The following CRISPLD2 variants were observed in gnomAD, a reference collection of about 807,000 sequenced individuals.
The protein encoded by CRISPLD2 is cysteine rich secretory protein LCCL domain containing 2.
Under a neutral mutation model 71.1 loss-of-function variants are expected in CRISPLD2, and 47 were observed. That is an observed-to-expected ratio of 0.66 (90% CI 0.52 to 0.84). CRISPLD2 has a LOEUF of 0.84. Among genes scored for constraint, CRISPLD2 ranks in the 40% least tolerant of loss-of-function variants. The pLI, the probability that CRISPLD2 is intolerant of heterozygous loss-of-function variation, is 0.00. For missense variants in CRISPLD2, 830 were observed against 651.1 expected (o/e 1.27, Z -2.99); for synonymous variants, 317 against 250.1 (o/e 1.27, Z -2.52).
At chr16:84,848,358 TC>T (rs1237517255) in intron 3 of CRISPLD2, among the ~76,000 whole-genome samples, 1 of 152,068 alleles carries the variant, frequency 6.6e-6, no homozygotes, top group Non-Finnish European at 1.5e-5. Flanking sequence ...AATGGTCATT[TC>T]CCCCGTGAGC....
chr16:84,824,185 G>A (rs1916295809), intron 1 of CRISPLD2, among the ~76,000 whole-genome samples: 1 of 152,114 alleles, frequency 6.6e-6, no homozygotes, highest in African/African-American at 2.4e-5. Context: ...AGGCCTGCAG[G>A]TGGAGAAGGG....
chr16:84,894,055 C>G (rs1016089039), intron 14 of CRISPLD2, among the ~76,000 whole-genome samples: 6 of 152,194 alleles, frequency 3.9e-5, no homozygotes, highest in Admixed American at 3.9e-4. Context: ...CACACGGGGC[C>G]GAAGGTCAGT....
chr16:84,848,610 T>C (rs1916982145), intron 3 of CRISPLD2, among the ~76,000 whole-genome samples: 1 of 152,064 alleles, frequency 6.6e-6, no homozygotes, highest in South Asian at 2.1e-4. Context: ...CCGGCTAATT[T>C]TTGTATTTTT....
intron 8 of CRISPLD2, among the ~76,000 whole-genome samples, chr16:84,870,732 C>T (rs956697810): frequency 1.3e-5 from 2 of 152,206 alleles, no homozygotes; most frequent in Non-Finnish European, 2.9e-5. Context: ...ATTGCTTTGC[C>T]ACCTGCTGGC....
intron 5 of CRISPLD2, among the ~76,000 whole-genome samples, chr16:84,851,400 T>C (rs1597458523): frequency 6.6e-6 from 1 of 152,324 alleles, no homozygotes; most frequent in East Asian, 1.9e-4. Flanking sequence ...GGCCTGAGGT[T>C]TGCATGCTGG....
chr16:84,841,706 C>A (rs1282849502), intron 2 of CRISPLD2, among the ~76,000 whole-genome samples: 1 of 152,020 alleles, frequency 6.6e-6, no homozygotes, highest in Admixed American at 6.6e-5. Context: ...AGCGATTCTC[C>A]TGTCTCGGCC....
chr16:84,864,150 C>G (rs1284502173), intron 6 of CRISPLD2, among the ~76,000 whole-genome samples: 2 of 152,062 alleles, frequency 1.3e-5, no homozygotes, highest in Non-Finnish European at 2.9e-5. Context: ...GAGACCCTGG[C>G]CCGGAGCAGA....
At chr16:84,902,145 G>T (rs1337926815) in intron 14 of CRISPLD2, among the ~76,000 whole-genome samples, 1 of 152,074 alleles carries the variant, frequency 6.6e-6, no homozygotes, top group Non-Finnish European at 1.5e-5. Context: ...AAGGCGCCAT[G>T]CTGCCTTCTA....
At chr16:84,861,113 C>G (rs1449753257) in intron 6 of CRISPLD2, among the ~76,000 whole-genome samples, 1 of 152,102 alleles carries the variant, frequency 6.6e-6, no homozygotes, top group Non-Finnish European at 1.5e-5. Flanking sequence ...GCATAACTCT[C>G]CAAATAGCTC....
At chr16:84,851,260 C>T (rs1270517263) in intron 5 of CRISPLD2, among the ~76,000 whole-genome samples, 3 of 152,232 alleles carry the variant, frequency 2.0e-5, no homozygotes, top group East Asian at 1.9e-4. Context: ...GGTCCACATG[C>T]GGCCTCCTGA....
intron 3 of CRISPLD2, among the ~76,000 whole-genome samples, chr16:84,847,483 C>A (rs993116310): frequency 6.6e-6 from 1 of 152,130 alleles, no homozygotes; most frequent in African/African-American, 2.4e-5. Flanking sequence ...AACCCCGTCT[C>A]TACTAAAAAT....
At chr16:84,823,838 G>A (rs1472719142) in intron 1 of CRISPLD2, among the ~76,000 whole-genome samples, 1 of 152,172 alleles carries the variant, frequency 6.6e-6, no homozygotes, top group African/African-American at 2.4e-5. Flanking sequence ...TATAAATTAT[G>A]AAATCCCACA....
At chr16:84,898,050 G>C (rs1006027835) in intron 14 of CRISPLD2, among the ~76,000 whole-genome samples, 1 of 152,236 alleles carries the variant, frequency 6.6e-6, no homozygotes, top group Non-Finnish European at 1.5e-5. Flanking sequence ...GGCATGGAGA[G>C]ACCATCATCC....
chr16:84,830,134 G>T (rs540898828), intron 1 of CRISPLD2, among the ~76,000 whole-genome samples: 1 of 152,186 alleles, frequency 6.6e-6, no homozygotes, highest in African/African-American at 2.4e-5. Flanking sequence ...GGTGGCCTGG[G>T]CAACATAGTG....
intron 13 of CRISPLD2, 47 bp downstream of exon 13, chr16:84,880,631 G>A (rs764138085): frequency 1.4e-6 from 2 of 1,469,120 alleles, no homozygotes; most frequent in Admixed American, 1.7e-5. Context: ...GCCTGTTAAA[G>A]ACCTCAACAT....
intron 13 of CRISPLD2, among the ~76,000 whole-genome samples, chr16:84,884,220 C>G (rs1381024615): frequency 6.6e-6 from 1 of 152,200 alleles, no homozygotes; most frequent in Non-Finnish European, 1.5e-5. Flanking sequence ...AGATTGCTGG[C>G]TCCGGGTGGC....
intron 1 of CRISPLD2, among the ~76,000 whole-genome samples, chr16:84,833,775 G>A (rs1222598009): frequency 2.0e-5 from 3 of 152,156 alleles, no homozygotes; most frequent in African/African-American, 4.8e-5. Context: ...GAGGGTCTCC[G>A]TCGTCTCCCA....
intron 14 of CRISPLD2, among the ~76,000 whole-genome samples, chr16:84,899,628 T>C (rs558226466): frequency 6.6e-5 from 10 of 152,286 alleles, no homozygotes; most frequent in Non-Finnish European, 1.2e-4. Context: ...TGTCAGCACA[T>C]TCTTTGATGT....
At chr16:84,866,562 TG>T (rs1209365396) in intron 6 of CRISPLD2, among the ~76,000 whole-genome samples, 1 of 152,032 alleles carries the variant, frequency 6.6e-6, no homozygotes, top group Admixed American at 6.6e-5. Context: ...AGTTGCTTCG[TG>T]GGGGCAGAGG....
Sources: allele counts gnomAD v4.1 joint callset (sites outside exome capture counted in the v4.1 genomes callset), GRCh38; gene constraint gnomAD v4.1.1; transcripts MANE v1.5; gene names NCBI Gene and HGNC (gene_info 2026-07-23, HGNC 2026-07-21).